Variants in N4BP2 observed in about 807,000 individuals in gnomAD.
The protein encoded by N4BP2 is NEDD4-binding protein 2.
N4BP2 carries 91 observed loss-of-function variants against 152.8 expected under a neutral mutation model. The observed-to-expected ratio is 0.60, with a 90% CI of 0.50 to 0.71. The LOEUF is 0.71. Among genes scored for constraint, N4BP2 ranks in the 30% least tolerant of loss-of-function variants. N4BP2 has a pLI of 0.00. For synonymous variants in N4BP2, 646 were observed against 705.3 expected, an observed-to-expected ratio of 0.92 and a Z score of 1.33; for missense variants, 1,923 against 2,059.1, an observed-to-expected ratio of 0.93 and a Z score of 1.28.
chr4:40,128,743 G>A (rs1718646457), intron 12 of N4BP2, among the ~76,000 whole-genome samples: 2 of 151,610 alleles, frequency 1.3e-5, no homozygotes, highest in African/African-American at 4.8e-5. Flanking sequence ...GGCCAGGCTG[G>A]TCTTGAACTC....
intron 16 of N4BP2, among the ~76,000 whole-genome samples, chr4:40,146,902 G>A (rs1389811748): frequency 9.4e-6 from 1 of 106,872 alleles, no homozygotes; most frequent in Admixed American, 9.7e-5. Context: ...CCCAGGTAAT[G>A]TTTTTATTTT....
chr4:40,142,852 T>G lies in N4BP2; in HGVS notation c.4965T>G (p.Tyr1655Ter). 1.2e-6 allele frequency: 2 copies of G among 1,613,602 alleles called. No individual in the cohort carries two copies. Among genetic ancestry groups the G allele is most frequent in the South Asian group, 2.2e-5 (2 of 91,038 alleles). The change falls in exon 15 of 18, where the codon TAT (tyrosine) becomes TAG (stop). Residue 1655 changes from tyrosine to a stop codon, truncating the protein, a stop_gained. Transcript: ENST00000261435. LOFTEE classifies it high-confidence loss of function. ...RIGKKNVATF[Y>*]AQQGTLHEQK... ...GGAAAAAAAATGTCGCCACCTTTTATGCCCAGCAGGTAAAGTGGAAAACTG... is the reference window on the plus strand; with the variant it reads ...GGAAAAAAAATGTCGCCACCTTTTAGGCCCAGCAGGTAAAGTGGAAAACTG...
At chr4:40,154,065 A>G (rs1388018060) in intron 17 of N4BP2, 127 bp from the exon 18 acceptor site, 3 of 651,074 alleles carry the variant, frequency 4.6e-6, no homozygotes, top group Non-Finnish European at 7.9e-6. Context: ...ATATTGACTT[A>G]ATAAGGGTCA....
the N4BP2 span, among the ~76,000 whole-genome samples, chr4:40,188,544 C>T: frequency 0.22 from 33,131 of 151,682 alleles, 3,791 homozygotes; most frequent in South Asian, 0.28. Flanking sequence ...CAGGATTTTC[C>T]GACCAGCCTG....
chr4:40,082,908 G>T, intron 2 of N4BP2: 1 of 160,332 alleles, frequency 6.2e-6, no homozygotes, highest in Non-Finnish European at 1.4e-5. Flanking sequence ...CACCGTTTTA[G>T]CCAGGATGGT....
chr4:40,078,113 A>ATGTGTGTGTGTGTGTGTGTGTGTG (rs71194969), intron 2 of N4BP2: 1 of 142,642 alleles, frequency 7.0e-6, no homozygotes, highest in African/African-American at 2.6e-5. Flanking sequence ...ATATTTCTAA[A>ATGTGTGTGTGTGTGTGTGTGTGTG]TGTGTGTGTG....
intron 5 of N4BP2, among the ~76,000 whole-genome samples, chr4:40,107,248 C>T (rs1716394460): frequency 2.0e-5 from 3 of 151,966 alleles, no homozygotes; most frequent in South Asian, 4.2e-4. Flanking sequence ...ACAGATGTGC[C>T]ACCATGCCTG....
At chr4:40,188,466 C>A in the N4BP2 span, among the ~76,000 whole-genome samples, 6 of 152,106 alleles carry the variant, frequency 3.9e-5, no homozygotes, top group African/African-American at 1.4e-4. Context: ...TTAACTGGGC[C>A]GGATGCAGTG....
In N4BP2 at chr4:40,121,919, G is replaced by T. The variant is rs1404308828; in HGVS notation, c.3808G>T (p.Val1270Leu). ...KDMSETEKNL[V>L]VTETGDNIHS... ...TATGAGTGAAACAGAAAAAAACCTA[G>T]TAGTCACAGAGACTGGAGACAACAT... Residue 1270 changes from valine to leucine, a missense_variant, in exon 9 of 18, where the codon GTA becomes TTA. Coordinates refer to ENST00000261435, the MANE Select transcript of N4BP2 (RefSeq NM_018177.6). The T allele has an allele frequency of 6.3e-7, 1 of 1,592,890 alleles. No homozygotes were observed. The highest frequency in any genetic ancestry group is 1.4e-5 in the African/African-American group (1 of 73,318).
At chr4:40,183,692 T>G in the N4BP2 span, among the ~76,000 whole-genome samples, 3 of 152,222 alleles carry the variant, frequency 2.0e-5, no homozygotes, top group African/African-American at 7.2e-5. Flanking sequence ...TTTTTGTTAT[T>G]TGTTACTATA....
intron 14 of N4BP2, chr4:40,142,457 G>A (rs984595072): frequency 3.1e-5 from 15 of 484,102 alleles, no homozygotes; most frequent in Non-Finnish European, 4.5e-5. Context: ...TCTCCCGAGA[G>A]TGGTTAAAGA....
chr4:40,120,626 C>T lies in N4BP2; in HGVS notation c.2515C>T (p.Gln839Ter). ...TGTATCTGTGAATACAGATTGTGTC[C>T]AGCAACGAGGATCTCCACATGAAAG... ...NSVSVNTDCV[Q>*]QRGSPHESVE... is the part of the protein sequence containing the mutation. Residue 839 changes from glutamine (Q) to a stop codon, truncating the protein, a stop_gained, in exon 9 of 18, where the codon CAG becomes TAG. Coordinates refer to ENST00000261435, the MANE Select transcript of N4BP2 (RefSeq NM_018177.6). LOFTEE classifies it high-confidence loss of function. 6.2e-7 allele frequency: 1 copy of T among 1,614,106 alleles called. No homozygotes were observed. The highest frequency in any genetic ancestry group is 2.2e-5 in the East Asian group (1 of 44,882).
chr4:40,076,831 A>AT lies in N4BP2; in HGVS notation c.-115+3284dup, dbSNP rs1386273815. On this transcript the variant is annotated intron_variant, in intron 2 of 17. Transcript: ENST00000261435. The stretch of plus-strand genomic sequence containing the variant: ...TGACATACTTTTGGTATCTCATGAG[A>AT]TTTTAGCATCTACCTTTTTCTTATC... Among the ~76,000 whole-genome samples, 8 of 152,230 alleles carry AT rather than the reference A, an allele frequency of 5.3e-5. No individual in the cohort carries two copies. The South Asian group carries it at 6.2e-4, about 12-fold the overall frequency.
chr4:40,142,795 C>T lies in N4BP2; in HGVS notation c.4908C>T (p.Cys1636=). The T allele has an allele frequency of 6.2e-7, 1 of 1,614,022 alleles. No individual in the cohort carries two copies. Among genetic ancestry groups the T allele is most frequent in the Non-Finnish European group, 8.5e-7 (1 of 1,180,000 alleles). Residue 1636 remains cysteine, a synonymous_variant, in exon 15 of 18, where the codon TGC becomes TGT. Transcript: ENST00000261435. ...AFLHQQKRME[C]YSKAKEAYRI... is the part of the protein sequence containing the mutation. ...TTCACCAACAGAAGAGGATGGAGTG[C>T]TACAGCAAGGCCAAAGAAGCTTATC... is the stretch of plus-strand genomic sequence containing the variant.
rs1226430820 is a variant in N4BP2 at position 40,121,716 on chromosome 4, A to C, written c.3605A>C (p.Glu1202Ala). Residue 1202 changes from glutamate to alanine, a missense_variant, in exon 9 of 18, where the codon GAG becomes GCG. Transcript: ENST00000261435. Reference sequence around the variant, plus strand: ...TGTGATGCAGAAAGAGGAAACTCAGAGCAGGCGGAAATGAGAGCTGTCACT... The same window carrying C: ...TGTGATGCAGAAAGAGGAAACTCAGCGCAGGCGGAAATGAGAGCTGTCACT... ...STCDAERGNS[E>A]QAEMRAVTPE... 5 of 1,614,140 alleles carry C rather than the reference A, an allele frequency of 3.1e-6. No individual in the cohort carries two copies. Among genetic ancestry groups the C allele is most frequent in the Non-Finnish European group, 3.4e-6 (4 of 1,180,010 alleles).
chr4:40,175,300 G>A, the N4BP2 span, among the ~76,000 whole-genome samples: 1 of 148,022 alleles, frequency 6.8e-6, no homozygotes, highest in African/African-American at 2.5e-5. Flanking sequence ...TAGGATTATA[G>A]GCATGAGCCA....
chr4:40,141,356 C>T (rs573968225), intron 14 of N4BP2, among the ~76,000 whole-genome samples: 51 of 152,058 alleles, frequency 3.4e-4, no homozygotes, highest in African/African-American at 9.6e-4. Context: ...CGGAGGGTCT[C>T]CTCACTTCTC....
chr4:40,072,803 G>C (rs139833016), intron 1 of N4BP2, among the ~76,000 whole-genome samples: 2,327 of 150,684 alleles, frequency 0.015, 72 homozygotes, highest in African/African-American at 0.054. Flanking sequence ...TCGGCTCACT[G>C]CAATCTCTGC....
intron 11 of N4BP2, 54 bp downstream of exon 11, chr4:40,124,259 GT>G (rs1718191948): frequency 7.1e-7 from 1 of 1,401,332 alleles, no homozygotes; most frequent in Non-Finnish European, 1.0e-6. Flanking sequence ...TGGTGTGTGT[GT>G]TTGAATTTTA....
Sources: gnomAD v4.1 joint callset for allele counts (sites outside exome capture counted in the v4.1 genomes callset) on GRCh38, gnomAD v4.1.1 for gene constraint, MANE v1.5 for transcripts, NCBI Gene and HGNC (gene_info 2026-07-23, HGNC 2026-07-21) for gene names.